Variants in PKIB observed in about 807,000 individuals in gnomAD.
PKIB encodes the protein cAMP-dependent protein kinase inhibitor beta, also known as PKI-beta.
PKIB carries 2 observed loss-of-function variants against 4.5 expected under a neutral mutation model. The observed-to-expected ratio is 0.44, with a 90% CI of 0.18 to 1.39. The LOEUF (loss-of-function observed/expected upper bound fraction) is 1.39. Ranked by LOEUF, PKIB falls within the 40% of genes most tolerant of loss-of-function variation. The probability of loss-of-function intolerance (pLI) is 0.27; values close to 1 mark genes in which losing one functional copy is unlikely to be tolerated. For missense variants in PKIB, 94 were observed against 92.6 expected (o/e 1.02, Z -0.06); for synonymous variants, 38 against 36.0 (o/e 1.06, Z -0.20).
At chr6:122,675,335 T>G (rs1241915626) in intron 3 of PKIB, among the ~76,000 whole-genome samples, 191 bp downstream of exon 3, 1 of 152,152 alleles carries the variant, frequency 6.6e-6, no homozygotes, top group Middle Eastern at 3.2e-3. Flanking sequence ...AAAGCCTCAA[T>G]TAGAAAACCT....
intron 2 of PKIB, among the ~76,000 whole-genome samples, chr6:122,513,810 C>T (rs73547208): frequency 1.4e-3 from 214 of 152,240 alleles, no homozygotes; most frequent in African/African-American, 4.9e-3. Context: ...GACATGACTT[C>T]GTTCTTTTTA....
At chr6:122,678,687 T>C (rs138418928) in intron 3 of PKIB, among the ~76,000 whole-genome samples, 56 of 152,272 alleles carry the variant, frequency 3.7e-4, no homozygotes, top group African/African-American at 1.2e-3. Flanking sequence ...ATTCACAACA[T>C]CATGAGAAAT....
At chr6:122,501,646 T>A (rs1259431085) in intron 2 of PKIB, among the ~76,000 whole-genome samples, 1 of 152,190 alleles carries the variant, frequency 6.6e-6, no homozygotes, top group East Asian at 1.9e-4. Context: ...AGTGGGGCCC[T>A]GAGTCTGGCC....
intron 3 of PKIB, among the ~76,000 whole-genome samples, chr6:122,710,198 A>G (rs1779217826): frequency 6.6e-6 from 1 of 152,158 alleles, no homozygotes; most frequent in Admixed American, 6.6e-5. Flanking sequence ...CCACATTGGT[A>G]AGAATTAACT....
chr6:122,614,561 C>CTT (rs5879653), intron 1 of PKIB, among the ~76,000 whole-genome samples: 72 of 151,198 alleles, frequency 4.8e-4, no homozygotes, highest in Admixed American at 7.9e-4. Flanking sequence ...TGTAGGCTTT[C>CTT]TTTTTTTTTG....
intron 2 of PKIB, among the ~76,000 whole-genome samples, chr6:122,572,914 T>A (rs546585784): frequency 1.1e-4 from 17 of 152,100 alleles, no homozygotes; most frequent in African/African-American, 4.1e-4. Context: ...TTCTCCTAGA[T>A]CAAATCAGGA....
intron 3 of PKIB, among the ~76,000 whole-genome samples, chr6:122,714,375 G>A (rs1478087337): frequency 1.3e-5 from 2 of 152,078 alleles, no homozygotes; most frequent in African/African-American, 4.8e-5. Context: ...TCCCTATATG[G>A]CCACTTCTGT....
chr6:122,560,635 T>G (rs1433105168), intron 2 of PKIB, among the ~76,000 whole-genome samples: 1 of 152,086 alleles, frequency 6.6e-6, no homozygotes, highest in Non-Finnish European at 1.5e-5. Flanking sequence ...CTCTGAATGT[T>G]TGGTAGAATT....
At chr6:122,720,183 T>A (rs1779681942) in intron 4 of PKIB, among the ~76,000 whole-genome samples, 1 of 152,204 alleles carries the variant, frequency 6.6e-6, no homozygotes, top group Non-Finnish European at 1.5e-5. Context: ...TCCTTTGTTT[T>A]TATTTTTAAT....
At chr6:122,504,071 A>AT (rs1241705446) in intron 2 of PKIB, among the ~76,000 whole-genome samples, 2 of 152,002 alleles carry the variant, frequency 1.3e-5, no homozygotes, top group South Asian at 2.1e-4. Context: ...ATTCATATGC[A>AT]TTTTTTTCAT....
intron 1 of PKIB, among the ~76,000 whole-genome samples, chr6:122,472,919 T>C (rs1326161845): frequency 6.6e-6 from 1 of 152,152 alleles, no homozygotes; most frequent in African/African-American, 2.4e-5. Context: ...AAGACCAGCC[T>C]GGCCAGCATG....
At chr6:122,538,838 A>G (rs1328356805) in intron 2 of PKIB, among the ~76,000 whole-genome samples, 1 of 151,972 alleles carries the variant, frequency 6.6e-6, no homozygotes, top group African/African-American at 2.4e-5. Context: ...ATTTGTTTGT[A>G]TCCTCTTTTA....
intron 1 of PKIB, among the ~76,000 whole-genome samples, chr6:122,622,403 T>C (rs1775275445): frequency 6.6e-6 from 1 of 152,200 alleles, no homozygotes; most frequent in South Asian, 2.1e-4. Context: ...GGATAGAGTT[T>C]AAATGAAGGA....
rs551338262 is a variant in PKIB at position 122,539,760 on chromosome 6, C to G, written c.-247-46161C>G. On this transcript the variant is annotated intron_variant, in intron 2 of 6. Transcript: ENST00000392491. ...GGAATAGTTTCAGAAGGAATGGTAC[C>G]AGCTCCTCCTTGTACCTCTGGTAGA... 6.6e-5 allele frequency among the ~76,000 whole-genome samples: 10 copies of G among 152,114 alleles called. No individual in the cohort carries two copies. The East Asian group carries it at 1.9e-3, about 29-fold the overall frequency.
At chr6:122,715,755 A>T (rs965839548) in intron 3 of PKIB, among the ~76,000 whole-genome samples, 6 of 151,972 alleles carry the variant, frequency 3.9e-5, no homozygotes, top group Non-Finnish European at 7.4e-5. Flanking sequence ...TATAAAAATA[A>T]TAAAGGCAGA....
At chr6:122,640,259 A>C (rs552784730) in intron 2 of PKIB, among the ~76,000 whole-genome samples, 1 of 152,304 alleles carries the variant, frequency 6.6e-6, no homozygotes, top group Admixed American at 6.5e-5. Context: ...CTAACGTAAA[A>C]AGATCCTCTC....
At chr6:122,577,419 C>G (rs1773575216) in intron 2 of PKIB, among the ~76,000 whole-genome samples, 1 of 152,068 alleles carries the variant, frequency 6.6e-6, no homozygotes, top group African/African-American at 2.4e-5. Flanking sequence ...ATTCATTACA[C>G]TGCTTTTCAA....
At chr6:122,477,776 A>C (rs1047265471) in intron 1 of PKIB, 5 of 152,176 alleles carry the variant, frequency 3.3e-5, no homozygotes, top group Non-Finnish European at 4.4e-5. Context: ...TTATTGCGTA[A>C]AACACTTTGG....
chr6:122,502,083 G>T lies in PKIB; in HGVS notation c.-248+24144G>T, dbSNP rs893684577. Among the ~76,000 whole-genome samples, 38 of 151,668 alleles carry T rather than the reference G, an allele frequency of 2.5e-4. 1 individual carries two copies. Among genetic ancestry groups the T allele is most frequent in the African/African-American group, 9.2e-4 (38 of 41,280 alleles). On this transcript the variant is annotated intron_variant, in intron 2 of 6. Transcript: ENST00000392491. ...TTCTCTTGCCTCAGCCTCCCAAGTA[G>T]CTGGGATTACAGGCCTGCACCACCA...
Sources: gnomAD v4.1 joint callset for allele counts (sites outside exome capture counted in the v4.1 genomes callset) on GRCh38, gnomAD v4.1.1 for gene constraint, MANE v1.5 for transcripts, NCBI Gene and HGNC (gene_info 2026-07-23, HGNC 2026-07-21) for gene names.